SYT16: variants seen among roughly 807,000 people sequenced by gnomAD.
The protein encoded by SYT16 is synaptotagmin 16.
A neutral mutation model predicts 61.4 loss-of-function variants in SYT16; 42 were observed. That is an observed-to-expected ratio of 0.68 (90% confidence interval 0.53 to 0.89). The LOEUF (loss-of-function observed/expected upper bound fraction) is 0.89, where lower values mean the gene tolerates loss of function less well. Among genes scored for constraint, SYT16 ranks in the 40% least tolerant of loss-of-function variants. The pLI, the probability that SYT16 is intolerant of heterozygous loss-of-function variation, is 0.00. For missense variants in SYT16, 804 were observed against 807.3 expected (o/e 1.00, Z 0.05); for synonymous variants, 314 against 302.3 (o/e 1.04, Z -0.40).
intron 2 of SYT16, among the ~76,000 whole-genome samples, chr14:61,994,930 A>G (rs1361519057): frequency 6.6e-6 from 1 of 152,166 alleles, no homozygotes; most frequent in Non-Finnish European, 1.5e-5. Context: ...ATTTAGTTAA[A>G]AGGAAGTTAT....
At chr14:61,992,808 A>G (rs2052607778) in intron 2 of SYT16, among the ~76,000 whole-genome samples, 1 of 152,124 alleles carries the variant, frequency 6.6e-6, no homozygotes, top group African/African-American at 2.4e-5. Context: ...AAGATTATAT[A>G]GAGTTGGAAA....
chr14:61,816,787 G>A (rs1300829444), intron 1 of SYT16, among the ~76,000 whole-genome samples: 6 of 151,972 alleles, frequency 3.9e-5, no homozygotes, highest in African/African-American at 7.3e-5. Flanking sequence ...CGAGGCGGAC[G>A]GATCACGAGG....
At chr14:62,045,157 TAAATA>T (rs1201916709) in intron 3 of SYT16, among the ~76,000 whole-genome samples, 13 of 151,966 alleles carry the variant, frequency 8.6e-5, no homozygotes, top group Non-Finnish European at 1.3e-4. Context: ...AATAAATAAA[TAAATA>T]AAATAAATTT....
chr14:61,991,330 T>TTGTGTGTG (rs71117861), intron 2 of SYT16, among the ~76,000 whole-genome samples: 38,458 of 146,222 alleles, frequency 0.26, 5,652 homozygotes, highest in East Asian at 0.62. Flanking sequence ...TGTTTTTCAT[T>TTGTGTGTG]TGTGTGTGTG....
chr14:62,017,226 C>T (rs900209835), intron 3 of SYT16, among the ~76,000 whole-genome samples: 1 of 152,170 alleles, frequency 6.6e-6, no homozygotes, highest in Admixed American at 6.5e-5. Context: ...GAAATAAATG[C>T]TTCCTCCTAC....
intron 1 of SYT16, among the ~76,000 whole-genome samples, chr14:61,897,879 G>C (rs2048378030): frequency 6.6e-6 from 1 of 152,084 alleles, no homozygotes; most frequent in African/African-American, 2.4e-5. Context: ...TGTCCTTCTT[G>C]AGCCCGGCAG....
chr14:61,911,234 C>A (rs78002585), intron 1 of SYT16, among the ~76,000 whole-genome samples: 2,728 of 152,214 alleles, frequency 0.018, 44 homozygotes, highest in Admixed American at 0.028. Flanking sequence ...TTTCAAGGAC[C>A]GGCCATAGAC....
At chr14:62,046,495 T>G (rs1199629526) in intron 3 of SYT16, among the ~76,000 whole-genome samples, 4 of 152,194 alleles carry the variant, frequency 2.6e-5, no homozygotes, top group Non-Finnish European at 5.9e-5. Flanking sequence ...TTGTTGCCAT[T>G]GCTTTTGGTG....
chr14:61,904,345 A>C (rs1399497918), intron 1 of SYT16, among the ~76,000 whole-genome samples: 3 of 152,180 alleles, frequency 2.0e-5, no homozygotes, highest in African/African-American at 7.2e-5. Context: ...ATACCATAGA[A>C]GGCAGATGCC....
At chr14:61,872,205 C>T (rs571082084) in intron 1 of SYT16, among the ~76,000 whole-genome samples, 1 of 151,918 alleles carries the variant, frequency 6.6e-6, no homozygotes, top group African/African-American at 2.4e-5. Flanking sequence ...TAAACTCTTC[C>T]CTTATTTTTG....
At chr14:61,932,430 C>A (rs1884559598) in intron 1 of SYT16, among the ~76,000 whole-genome samples, 1 of 152,292 alleles carries the variant, frequency 6.6e-6, no homozygotes, top group South Asian at 2.1e-4. Flanking sequence ...AGGAAACTTA[C>A]AATCGTGGTG....
At chr14:61,923,480 C>T (rs546747743) in intron 1 of SYT16, among the ~76,000 whole-genome samples, 6 of 152,086 alleles carry the variant, frequency 3.9e-5, no homozygotes, top group Admixed American at 2.6e-4. Context: ...TTCCAGGAAC[C>T]CCAAACCTCT....
chr14:61,851,939 G>A (rs2046632477), intron 1 of SYT16, among the ~76,000 whole-genome samples: 1 of 152,110 alleles, frequency 6.6e-6, no homozygotes, highest in African/African-American at 2.4e-5. Context: ...TGCTTTCGTT[G>A]CAATTGCTTT....
chr14:62,082,772 C>T (rs1299649975), intron 6 of SYT16, among the ~76,000 whole-genome samples: 1 of 152,224 alleles, frequency 6.6e-6, no homozygotes, highest in Non-Finnish European at 1.5e-5. Flanking sequence ...CATATTTATG[C>T]TTGCTAGGCC....
At chr14:61,979,180 G>T (rs1201816302) in intron 2 of SYT16, among the ~76,000 whole-genome samples, 2 of 152,316 alleles carry the variant, frequency 1.3e-5, no homozygotes, top group African/African-American at 4.8e-5. Flanking sequence ...ATAGTAGCCT[G>T]ATATAGGGAT....
At chr14:61,851,819 C>T (rs887673315) in intron 1 of SYT16, among the ~76,000 whole-genome samples, 8 of 152,236 alleles carry the variant, frequency 5.3e-5, no homozygotes, top group East Asian at 1.9e-4. Flanking sequence ...AGACCTTCAT[C>T]GGATGGATAG....
In SYT16 at chr14:61,947,267, CGTGTGTGTGTGTGTGTGTGTGTGTGTGT is replaced by C. The variant is rs59798244; in HGVS notation, c.-324-22848_-324-22821del. Among the ~76,000 whole-genome samples, 4 of 125,916 alleles carry C rather than the reference CGTGTGTGTGTGTGTGTGTGTGTGTGTGT, an allele frequency of 3.2e-5. No individual in the cohort carries two copies. The South Asian group carries it at 1.2e-3, about 38-fold the overall frequency. 82.6% of individuals were successfully genotyped at this position (125,916 alleles called of 152,430 possible). On this transcript the variant is annotated intron_variant, in intron 1 of 7. Coordinates refer to ENST00000683842, the MANE Select transcript of SYT16 (RefSeq NM_001367656.1). ...CTTTTGGCCTCTGACTTTAGTCCTT[CGTGTGTGTGTGTGTGTGTGTGTGTGTGT>C]GTGTGTGTGTGTGTGTTTGTGTAAA...
rs1394946017 is a variant in SYT16 at position 62,112,307 on chromosome 14, G to C, written c.*11600G>C. 1 of 152,142 alleles carries C rather than the reference G, an allele frequency of 6.6e-6. No individual in the cohort carries two copies. Among genetic ancestry groups the C allele is most frequent in the East Asian group, 1.9e-4 (1 of 5,198 alleles). 9.4% of individuals were successfully genotyped at this position (152,142 alleles called of 1,614,324 possible). Reference sequence around the variant, plus strand: ...TAAGGCAGATGTTCAGTCTCACAGTGATGTTGGAAAGCATATTTTATGCAG... The same window carrying C: ...TAAGGCAGATGTTCAGTCTCACAGTCATGTTGGAAAGCATATTTTATGCAG... On this transcript the variant is annotated 3_prime_UTR_variant, in exon 8 of 8. Coordinates refer to ENST00000683842, the MANE Select transcript of SYT16 (RefSeq NM_001367656.1).
At chr14:61,864,271 C>T (rs1185903460) in intron 1 of SYT16, among the ~76,000 whole-genome samples, 6 of 152,228 alleles carry the variant, frequency 3.9e-5, no homozygotes, top group Admixed American at 2.0e-4. Flanking sequence ...GAATTGAATT[C>T]CCTGAAGCAG....
Sources: allele counts gnomAD v4.1 joint callset (sites outside exome capture counted in the v4.1 genomes callset), GRCh38; gene constraint gnomAD v4.1.1; transcripts MANE v1.5; gene names NCBI Gene and HGNC (gene_info 2026-07-23, HGNC 2026-07-21).